Variants in SPINT3 observed in about 807,000 individuals in gnomAD.
SPINT3 encodes kunitz-type protease inhibitor 3.
In SPINT3, 4 loss-of-function variants were observed where a neutral mutation model predicts 3.3. The ratio of observed to expected loss-of-function variants is 1.22; its 90% CI spans 0.60 to 2.79. The LOEUF is 2.79. Ranked by LOEUF, SPINT3 falls within the 30% of genes most tolerant of loss-of-function variation. The pLI is 0.01. For missense variants in SPINT3, 97 were observed against 104.3 expected, an observed-to-expected ratio of 0.93 and a Z score of 0.31; for synonymous variants, 30 against 38.6, an observed-to-expected ratio of 0.78 and a Z score of 0.83.
chr20:45,512,508 G>A lies in SPINT3; in HGVS notation c.*143C>T. The A allele has an allele frequency of 2.6e-6, 2 of 770,358 alleles. No homozygotes were observed. The highest frequency in any genetic ancestry group is 5.4e-5 in the East Asian group (2 of 36,936). The allele number at this position is 770,358 out of a possible 1,614,324, so 47.7% of individuals were successfully genotyped here. A position where few individuals can be genotyped will look rare whatever the true frequency, so the allele number is the denominator to read the frequency against. ...TTTCAGGCACAGAGATGAAGCACTT[G>A]TAGGAGCACATCAGGGAGAATAAAT... On this transcript the variant is annotated 3_prime_UTR_variant, in exon 2 of 2. Coordinates refer to ENST00000217428, the MANE Select transcript of SPINT3 (RefSeq NM_006652.2).
At position 45,515,404 on chromosome 20, in the gene SPINT3, G is replaced by A. The variant is rs976924316; in HGVS notation, c.76+129C>T. 8.2e-5 allele frequency: 63 copies of A among 765,564 alleles called. 1 individual carries two copies. In the South Asian group the frequency reaches 9.7e-4, roughly 12 times the overall value. The allele number at this position is 765,564 out of a possible 1,614,324, so 47.4% of individuals were successfully genotyped here. On this transcript the variant is annotated intron_variant, in intron 1 of 1. Transcript: ENST00000217428. ...CAACATATGTCTGATGAAGTGAATT[G>A]AACTGAATTGACTCTCAATCCGGTA...
intron 1 of SPINT3, among the ~76,000 whole-genome samples, chr20:45,513,887 G>A (rs1245969675): frequency 1.3e-5 from 2 of 152,240 alleles, no homozygotes; most frequent in East Asian, 1.9e-4. Context: ...GCAAAGGCTT[G>A]CAGGTTCTCC....
At chr20:45,513,736 G>T (rs1182889011) in intron 1 of SPINT3, among the ~76,000 whole-genome samples, 1 of 152,160 alleles carries the variant, frequency 6.6e-6, no homozygotes, top group Non-Finnish European at 1.5e-5. Flanking sequence ...CTGTCACCAT[G>T]TGGGCAGTTT....
In SPINT3 at chr20:45,512,616, C is replaced by G. The variant is rs1179954679; in HGVS notation, c.*35G>C. 5.8e-6 allele frequency: 9 copies of G among 1,545,198 alleles called. No homozygotes were observed. The highest frequency in any genetic ancestry group is 7.9e-6 in the Non-Finnish European group (9 of 1,142,968). On this transcript the variant is annotated 3_prime_UTR_variant, in exon 2 of 2. Transcript: ENST00000217428. ...GCCTTCTATGGCCCTCAGAGCAATC[C>G]CGAATCCATGGAGGGCTGTGTTCTT...
Position 45,512,574 on chromosome 20 carries a change from C to G in SPINT3, c.*77G>C, listed in dbSNP as rs2145526616. 7.4e-7 allele frequency: 1 copy of G among 1,352,896 alleles called. No individual in the cohort carries two copies. The highest frequency in any genetic ancestry group is 1.4e-5 in the African/African-American group (1 of 68,980). 83.8% of individuals were successfully genotyped at this position (1,352,896 alleles called of 1,614,324 possible). A position where few individuals can be genotyped will look rare whatever the true frequency, so the allele number is the denominator to read the frequency against. On this transcript the variant is annotated 3_prime_UTR_variant, in exon 2 of 2. Coordinates refer to ENST00000217428, the MANE Select transcript of SPINT3 (RefSeq NM_006652.2). Reference sequence around the variant, plus strand: ...TGAACCTCTTGTTCACACACACACACACACACACACGCAAATGCCTTCTAT... The same window carrying G: ...TGAACCTCTTGTTCACACACACACAGACACACACACGCAAATGCCTTCTAT...
chr20:45,513,409 A>G (rs900813050), intron 1 of SPINT3, among the ~76,000 whole-genome samples: 3 of 152,214 alleles, frequency 2.0e-5, no homozygotes, highest in African/African-American at 4.8e-5. Flanking sequence ...TTGACATTCA[A>G]TTTCCTTCAT....
At position 45,515,551 on chromosome 20, in the gene SPINT3, G is replaced by A. The variant is rs554197150; in HGVS notation, c.58C>T (p.Arg20Ter). Residue 20 changes from arginine to a stop codon, truncating the protein, a stop_gained, in exon 1 of 2, where the codon CGA becomes TGA. Transcript: ENST00000217428. LOFTEE classifies it low-confidence loss of function (END_TRUNC). ...LLILTLCLEL[R>*]SELARDTIKD... ...TACCAACCTCGTGCTAGTTCTGATC[G>A]AAGCTCTAGGCAGAGAGTGAGAATC... is the stretch of plus-strand genomic sequence containing the variant. 2.2e-5 allele frequency: 34 copies of A among 1,549,684 alleles called. 1 individual carries two copies. The Admixed American group carries it at 2.4e-4, about 11-fold the overall frequency.
intron 1 of SPINT3, among the ~76,000 whole-genome samples, chr20:45,514,666 T>C (rs1978824677): frequency 6.6e-6 from 1 of 152,198 alleles, no homozygotes; most frequent in Admixed American, 6.5e-5. Flanking sequence ...GGAACTAGCA[T>C]GTTTCCAGTT....
chr20:45,514,698 G>A (rs1230405227), intron 1 of SPINT3, among the ~76,000 whole-genome samples: 1 of 152,186 alleles, frequency 6.6e-6, no homozygotes, highest in East Asian at 1.9e-4. Flanking sequence ...TGCTATTGCT[G>A]TCAGACTAGG....
At chr20:45,513,996 C>T (rs1648006880) in intron 1 of SPINT3, among the ~76,000 whole-genome samples, 1 of 152,230 alleles carries the variant, frequency 6.6e-6, no homozygotes, top group South Asian at 2.1e-4. Context: ...AAGGTTCAGA[C>T]TCTGTCTTAT....
In SPINT3 at chr20:45,512,572, CACACA is replaced by C; in HGVS notation, c.*74_*78del. 7.5e-7 allele frequency: 1 copy of C among 1,331,942 alleles called. No individual in the cohort carries two copies. Among genetic ancestry groups the C allele is most frequent in the Non-Finnish European group, 1.0e-6 (1 of 966,300 alleles). 82.5% of individuals were successfully genotyped at this position (1,331,942 alleles called of 1,614,324 possible). On this transcript the variant is annotated 3_prime_UTR_variant, in exon 2 of 2. Transcript: ENST00000217428. The stretch of plus-strand genomic sequence containing the variant: ...AATGAACCTCTTGTTCACACACACA[CACACA>C]CACACACGCAAATGCCTTCTATGGC...
chr20:45,515,470 C>G (rs936613944), intron 1 of SPINT3, 63 bp downstream of exon 1: 2 of 1,392,550 alleles, frequency 1.4e-6, no homozygotes, highest in Non-Finnish European at 2.0e-6. Flanking sequence ...TCACCTCCCC[C>G]ACCACCCCGC....
At chr20:45,514,375 A>G (rs901793589) in intron 1 of SPINT3, among the ~76,000 whole-genome samples, 5 of 152,186 alleles carry the variant, frequency 3.3e-5, no homozygotes, top group African/African-American at 1.2e-4. Flanking sequence ...CATACATCAG[A>G]CTATTTGATT....
chr20:45,515,310 A>G (rs1385096431), intron 1 of SPINT3, among the ~76,000 whole-genome samples: 1 of 152,218 alleles, frequency 6.6e-6, no homozygotes, highest in African/African-American at 2.4e-5. Context: ...AATTTCACAA[A>G]GGCAGGGTCT....
intron 1 of SPINT3, 78 bp downstream of exon 1, chr20:45,515,455 C>A: frequency 1.6e-6 from 2 of 1,227,202 alleles, no homozygotes; most frequent in South Asian, 1.3e-5. Context: ...TCTGTTTGTG[C>A]TGCATCACCT....
At position 45,512,672 on chromosome 20, in the gene SPINT3, C is replaced by G. The variant is rs2145526715; in HGVS notation, c.249G>C (p.Glu83Asp). The G allele has an allele frequency of 6.4e-7, 1 of 1,551,642 alleles. No individual in the cohort carries two copies. Among genetic ancestry groups the G allele is most frequent in the Middle Eastern group, 1.7e-4 (1 of 5,990 alleles). ...SNNFLRKEKCEKFCKFT is the reference protein window; with the variant it reads ...SNNFLRKEKCDKFCKFT ...AAAATCAGGTGAACTTGCAGAATTT[C>G]TCACATTTTTCTTTCCTCAAAAAGT... The change falls in exon 2 of 2, where the codon GAG (glutamate) becomes GAC (aspartate). Residue 83 changes from glutamate to aspartate, a missense_variant. Physicochemically the swap from Glu to Asp is conservative, Grantham distance 45. Transcript: ENST00000217428.
intron 1 of SPINT3, among the ~76,000 whole-genome samples, chr20:45,515,302 T>C (rs1184758962): frequency 3.9e-5 from 6 of 152,214 alleles, no homozygotes. Context: ...AGCATCTTAA[T>C]TTCACAAAGG....
intron 1 of SPINT3, 63 bp from the exon 2 acceptor site, chr20:45,512,907 G>A: frequency 7.2e-7 from 1 of 1,390,612 alleles, no homozygotes; most frequent in Non-Finnish European, 9.8e-7. Flanking sequence ...TGCCTCATAT[G>A]CCAGGGGCTG....
At chr20:45,513,777 A>G (rs1161581985) in intron 1 of SPINT3, among the ~76,000 whole-genome samples, 2 of 152,210 alleles carry the variant, frequency 1.3e-5, no homozygotes, top group Admixed American at 6.5e-5. Flanking sequence ...AGAATTTCCA[A>G]CATTATGTGA....
Sources: allele counts gnomAD v4.1 joint callset (sites outside exome capture counted in the v4.1 genomes callset), GRCh38; gene constraint gnomAD v4.1.1; transcripts MANE v1.5; gene names NCBI Gene and HGNC (gene_info 2026-07-23, HGNC 2026-07-21).